Variants in LINGO2 observed in about 807,000 individuals in gnomAD.
LINGO2 encodes leucine rich repeat and Ig domain containing 2.
A neutral mutation model predicts 30.6 loss-of-function variants in LINGO2; 14 were observed. The ratio of observed to expected loss-of-function variants is 0.46; its 90% confidence interval spans 0.30 to 0.72. LINGO2 has a LOEUF of 0.72. LINGO2 is among the 30% of genes least tolerant of loss of function. LINGO2 has a pLI of 0.07. For synonymous variants in LINGO2, 317 were observed against 288.5 expected (o/e 1.10, Z -1.00); for missense variants, 729 against 751.7 (o/e 0.97, Z 0.35).
At chr9:28,499,384 A>G (rs1045599219) in intron 1 of LINGO2, among the ~76,000 whole-genome samples, 21 of 152,198 alleles carry the variant, frequency 1.4e-4, no homozygotes, top group Non-Finnish European at 2.8e-4. Context: ...TTGAGTGATC[A>G]TAGTTCCAGG....
At chr9:28,777,087 C>G in the LINGO2 span, among the ~76,000 whole-genome samples, 34 of 152,212 alleles carry the variant, frequency 2.2e-4, 1 homozygote, top group East Asian at 6.6e-3. Flanking sequence ...CTTCCCCTCC[C>G]CTTCCGCCAT....
the LINGO2 span, among the ~76,000 whole-genome samples, chr9:28,796,207 T>C: frequency 1.3e-5 from 2 of 152,080 alleles, no homozygotes; most frequent in Admixed American, 1.3e-4. Flanking sequence ...AGGCAGAGGA[T>C]AGAGCTTCCA....
chr9:28,512,628 TATATATATAC>T (rs1564256065), intron 1 of LINGO2, among the ~76,000 whole-genome samples: 1,615 of 8,716 alleles, frequency 0.19, 119 homozygotes, highest in African/African-American at 0.27. Flanking sequence ...TATATATATA[TATATATATAC>T]ACACATACAT....
At chr9:28,312,472 T>C (rs1400584593) in intron 3 of LINGO2, among the ~76,000 whole-genome samples, 4 of 152,120 alleles carry the variant, frequency 2.6e-5, no homozygotes, top group Non-Finnish European at 2.9e-5. Flanking sequence ...AAAGTGATTA[T>C]GATTACATTT....
At chr9:27,970,549 G>A (rs779872712) in intron 5 of LINGO2, among the ~76,000 whole-genome samples, 2 of 152,042 alleles carry the variant, frequency 1.3e-5, no homozygotes, top group Non-Finnish European at 2.9e-5. Flanking sequence ...TACAGTAAGG[G>A]GTTTGCATTT....
the LINGO2 span, among the ~76,000 whole-genome samples, chr9:29,056,260 C>G: frequency 6.6e-6 from 1 of 152,084 alleles, no homozygotes; most frequent in South Asian, 2.1e-4. Context: ...ACGCCAGCAT[C>G]TATTATTTTT....
intron 4 of LINGO2, among the ~76,000 whole-genome samples, chr9:28,269,352 AT>A (rs1162205996): frequency 6.6e-6 from 1 of 152,034 alleles, no homozygotes; most frequent in East Asian, 1.9e-4. Context: ...AACTTCTGTC[AT>A]TTTTCTAAAG....
At chr9:28,124,521 C>T (rs1246951356) in intron 4 of LINGO2, among the ~76,000 whole-genome samples, 1 of 152,178 alleles carries the variant, frequency 6.6e-6, no homozygotes, top group Non-Finnish European at 1.5e-5. Context: ...GAAAATACCT[C>T]AGAGACAAAC....
intron 3 of LINGO2, among the ~76,000 whole-genome samples, chr9:28,361,770 T>A (rs1820455493): frequency 6.6e-6 from 1 of 152,246 alleles, no homozygotes; most frequent in Non-Finnish European, 1.5e-5. Context: ...ATATTTCATT[T>A]CATTTACTTT....
the LINGO2 span, among the ~76,000 whole-genome samples, chr9:29,177,225 G>A: frequency 1.3e-5 from 2 of 152,088 alleles, no homozygotes; most frequent in South Asian, 4.1e-4. Flanking sequence ...TCACAGCTAT[G>A]ACTAATTTTA....
chr9:28,190,168 T>C (rs570204633), intron 4 of LINGO2, among the ~76,000 whole-genome samples: 4 of 152,138 alleles, frequency 2.6e-5, no homozygotes, highest in Non-Finnish European at 5.9e-5. Context: ...GGCTGTCTTG[T>C]CCATACCTTC....
chr9:28,234,830 C>A (rs1213636662), intron 4 of LINGO2, among the ~76,000 whole-genome samples: 2 of 149,178 alleles, frequency 1.3e-5, no homozygotes, highest in Admixed American at 6.6e-5. Context: ...AACTTGTGAT[C>A]GTGTGAGTCA....
chr9:28,782,943 C>T, the LINGO2 span, among the ~76,000 whole-genome samples: 15 of 152,234 alleles, frequency 9.9e-5, no homozygotes, highest in African/African-American at 4.8e-5. Flanking sequence ...AGGTTACAAA[C>T]CTGTACAGGG....
chr9:28,549,254 G>A (rs868851921), intron 1 of LINGO2, among the ~76,000 whole-genome samples: 4 of 151,948 alleles, frequency 2.6e-5, no homozygotes, highest in Non-Finnish European at 5.9e-5. Flanking sequence ...TCCCCAACTG[G>A]TTTTTATGAA....
At chr9:28,589,124 T>A (rs1220543694) in intron 1 of LINGO2, among the ~76,000 whole-genome samples, 1 of 152,076 alleles carries the variant, frequency 6.6e-6, no homozygotes, top group African/African-American at 2.4e-5. Flanking sequence ...AAACTCTCAA[T>A]AAATTAGGTA....
At chr9:29,111,910 C>CATATATTTATATATGTGTGTATATATAA in the LINGO2 span, among the ~76,000 whole-genome samples, 6 of 149,390 alleles carry the variant, frequency 4.0e-5, no homozygotes, top group African/African-American at 9.8e-5. Context: ...TGTATATATA[C>CATATATTTATATATGTGTGTATATATAA]ATATATTTAT....
At chr9:28,795,700 C>T in the LINGO2 span, among the ~76,000 whole-genome samples, 6 of 151,804 alleles carry the variant, frequency 4.0e-5, no homozygotes, top group Admixed American at 6.6e-5. Flanking sequence ...TAATTCTTGC[C>T]TGAGTAATCG....
the LINGO2 span, among the ~76,000 whole-genome samples, chr9:28,904,944 C>G: frequency 6.6e-6 from 1 of 151,952 alleles, no homozygotes; most frequent in African/African-American, 2.4e-5. Flanking sequence ...ACCAAGGAAA[C>G]ACAACAGAGA....
the LINGO2 span, among the ~76,000 whole-genome samples, chr9:29,156,915 T>C: frequency 6.6e-6 from 1 of 152,058 alleles, no homozygotes; most frequent in Non-Finnish European, 1.5e-5. Context: ...TCCTTCTTCC[T>C]AGAATCTATG....
Sources: allele counts gnomAD v4.1 joint callset (sites outside exome capture counted in the v4.1 genomes callset), GRCh38; gene constraint gnomAD v4.1.1; transcripts MANE v1.5; gene names NCBI Gene and HGNC (gene_info 2026-07-23, HGNC 2026-07-21).